Variants in IL1RAPL2 observed in about 807,000 individuals in gnomAD.
The protein encoded by IL1RAPL2 is X-linked interleukin-1 receptor accessory protein-like 2.
Under a neutral mutation model 44.1 loss-of-function variants are expected in IL1RAPL2, and 3 were observed. That is an observed-to-expected ratio of 0.07 (90% CI 0.03 to 0.18). IL1RAPL2 has a LOEUF of 0.18. IL1RAPL2 is among the 10% of genes least tolerant of loss of function. The pLI, the probability that IL1RAPL2 is intolerant of heterozygous loss-of-function variation, is 1.00. For synonymous variants in IL1RAPL2, 181 were observed against 178.8 expected, an observed-to-expected ratio of 1.01 and a Z score of -0.10; for missense variants, 391 against 496.4, an observed-to-expected ratio of 0.79 and a Z score of 2.02.
intron 2 of IL1RAPL2, among the ~76,000 whole-genome samples, chrX:105,037,420 G>A (rs1054620617): frequency 9.0e-6 from 1 of 111,318 alleles, no homozygotes; most frequent in Non-Finnish European, 1.9e-5. Flanking sequence ...AACAATGCCA[G>A]ACTGGGGAGT....
At chrX:105,073,031 T>G (rs188011535) in intron 2 of IL1RAPL2, among the ~76,000 whole-genome samples, 491 of 103,755 alleles carry the variant, frequency 4.7e-3, no homozygotes, top group Non-Finnish European at 7.7e-3. Flanking sequence ...ATGTGCCACA[T>G]TTTCTTTTTT....
chrX:105,558,976 A>C (rs765512879), intron 6 of IL1RAPL2, among the ~76,000 whole-genome samples: 4 of 111,883 alleles, frequency 3.6e-5, no homozygotes, highest in Non-Finnish European at 3.8e-5. Flanking sequence ...GTACAGTTTT[A>C]ATCCCTGCCC....
At chrX:105,219,705 G>A in intron 3 of IL1RAPL2, 1 of 1,208,313 alleles carries the variant, frequency 8.3e-7, no homozygotes. Flanking sequence ...CTCCGGCAGT[G>A]GCCAGGCCTG....
chrX:105,055,992 C>T (rs2031987458), intron 2 of IL1RAPL2, among the ~76,000 whole-genome samples: 1 of 111,829 alleles, frequency 8.9e-6, no homozygotes, highest in Non-Finnish European at 1.9e-5. Context: ...TCCTATAATT[C>T]GAATGTCTAT....
intron 2 of IL1RAPL2, among the ~76,000 whole-genome samples, chrX:105,061,713 G>A (rs1218541193): frequency 1.8e-5 from 2 of 111,622 alleles, no homozygotes; most frequent in Non-Finnish European, 3.8e-5. Flanking sequence ...TTATATATCT[G>A]AGTGCTCCAG....
At chrX:105,374,955 A>G (rs1426123736) in intron 5 of IL1RAPL2, among the ~76,000 whole-genome samples, 1 of 107,424 alleles carries the variant, frequency 9.3e-6, no homozygotes, top group Non-Finnish European at 1.9e-5. Flanking sequence ...CAAAAAAAAA[A>G]AAAAAAAAAA....
At chrX:104,652,851 T>C (rs1930177702) in intron 1 of IL1RAPL2, among the ~76,000 whole-genome samples, 1 of 111,386 alleles carries the variant, frequency 9.0e-6, no homozygotes, top group African/African-American at 3.3e-5. Flanking sequence ...ATGCTTCTCT[T>C]CCTTTTTCTT....
At chrX:104,612,202 TG>T (rs1000684488) in intron 1 of IL1RAPL2, among the ~76,000 whole-genome samples, 2 of 112,221 alleles carry the variant, frequency 1.8e-5, no homozygotes, top group Non-Finnish European at 3.8e-5. Context: ...CAGTCCCACT[TG>T]TCAATTTTTG....
chrX:104,892,401 T>A (rs1188492909), intron 2 of IL1RAPL2, among the ~76,000 whole-genome samples: 1 of 111,945 alleles, frequency 8.9e-6, no homozygotes, highest in Non-Finnish European at 1.9e-5. Flanking sequence ...TCTAGTAGAA[T>A]TCGGCTGTGA....
chrX:105,229,071 G>GA (rs2034043987), intron 3 of IL1RAPL2, among the ~76,000 whole-genome samples: 1 of 111,713 alleles, frequency 9.0e-6, no homozygotes, highest in African/African-American at 3.3e-5. Flanking sequence ...AGTAGGGAGA[G>GA]AAAAAATACC....
intron 2 of IL1RAPL2, among the ~76,000 whole-genome samples, chrX:104,848,392 T>A (rs1281190177): frequency 2.1e-5 from 2 of 93,563 alleles, no homozygotes; most frequent in African/African-American, 7.9e-5. Context: ...TACAAATTTT[T>A]AAAAAGATTT....
At chrX:105,534,962 G>A (rs1451120474) in intron 6 of IL1RAPL2, among the ~76,000 whole-genome samples, 1 of 111,636 alleles carries the variant, frequency 9.0e-6, no homozygotes, top group Non-Finnish European at 1.9e-5. Context: ...CTGGGAATAG[G>A]CAAAGAGTTC....
At chrX:104,893,475 A>G (rs1400775612) in intron 2 of IL1RAPL2, among the ~76,000 whole-genome samples, 2 of 111,581 alleles carry the variant, frequency 1.8e-5, no homozygotes, top group Non-Finnish European at 3.8e-5. Context: ...GTGCTCCTGT[A>G]TTAGGTGCAT....
chrX:105,149,267 G>C (rs1344747455), intron 2 of IL1RAPL2, among the ~76,000 whole-genome samples: 2 of 111,533 alleles, frequency 1.8e-5, no homozygotes, highest in East Asian at 5.7e-4. Context: ...TGAGTAACCT[G>C]AGGACCTAGA....
At chrX:105,143,212 A>G (rs191818913) in intron 2 of IL1RAPL2, among the ~76,000 whole-genome samples, 267 of 111,777 alleles carry the variant, frequency 2.4e-3, no homozygotes, top group African/African-American at 8.4e-3. Context: ...AAGGGCTAAT[A>G]TCCAGAATCT....
chrX:104,769,497 A>C (rs1406911829), intron 2 of IL1RAPL2, among the ~76,000 whole-genome samples: 1 of 112,449 alleles, frequency 8.9e-6, no homozygotes, highest in Non-Finnish European at 1.9e-5. Flanking sequence ...TGAATGTAAA[A>C]GAATATAGTA....
intron 1 of IL1RAPL2, among the ~76,000 whole-genome samples, chrX:104,621,971 A>G (rs1388879072): frequency 2.7e-5 from 3 of 111,170 alleles, no homozygotes; most frequent in Non-Finnish European, 3.8e-5. Context: ...TCATGTAAAG[A>G]CATTCTGGCT....
chrX:104,762,800 A>G (rs1037935992), intron 2 of IL1RAPL2, among the ~76,000 whole-genome samples: 2 of 111,366 alleles, frequency 1.8e-5, no homozygotes, highest in Non-Finnish European at 3.8e-5. Context: ...GGCCCCTTTT[A>G]GTCTTGGTGG....
intron 2 of IL1RAPL2, among the ~76,000 whole-genome samples, chrX:104,995,494 C>T (rs973719612): frequency 7.2e-5 from 8 of 111,511 alleles, no homozygotes; most frequent in African/African-American, 9.8e-5. Flanking sequence ...TACTCAGAAA[C>T]ATTGGTCTGT....
Sources: gnomAD v4.1 joint callset for allele counts (sites outside exome capture counted in the v4.1 genomes callset) on GRCh38, gnomAD v4.1.1 for gene constraint, MANE v1.5 for transcripts, NCBI Gene and HGNC (gene_info 2026-07-23, HGNC 2026-07-21) for gene names.